Variants in VTI1A observed in about 807,000 individuals in gnomAD.
VTI1A encodes the protein vesicle transport through interaction with t-SNAREs homolog 1A.
In VTI1A, 22 loss-of-function variants were observed where a neutral mutation model predicts 34.9. That is an observed-to-expected ratio of 0.63 (90% CI 0.45 to 0.90). The LOEUF is 0.90. Ranked by LOEUF, VTI1A falls within the 40% of genes least tolerant of loss-of-function variation. The pLI, the probability that VTI1A is intolerant of heterozygous loss-of-function variation, is 0.00. For synonymous variants in VTI1A, 87 were observed against 97.3 expected (o/e 0.89, Z 0.62); for missense variants, 268 against 275.6 (o/e 0.97, Z 0.20).
intron 5 of VTI1A, among the ~76,000 whole-genome samples, chr10:112,573,998 T>TA (rs1249141481): frequency 6.6e-6 from 1 of 152,236 alleles, no homozygotes; most frequent in African/African-American, 2.4e-5. Flanking sequence ...TATCTGAATA[T>TA]AATTGTTCAT....
chr10:112,696,094 T>TTATATATATATATATATATA (rs140889088), intron 7 of VTI1A, among the ~76,000 whole-genome samples: 13 of 145,166 alleles, frequency 9.0e-5, no homozygotes, highest in South Asian at 4.5e-4. Context: ...GAGAGAATGA[T>TTATATATATATATATATATA]TATATATATA....
intron 5 of VTI1A, among the ~76,000 whole-genome samples, chr10:112,655,394 G>A (rs1219833984): frequency 1.3e-5 from 2 of 152,096 alleles, no homozygotes; most frequent in African/African-American, 4.8e-5. Context: ...GGGTAGCAGG[G>A]CTCCATGAAG....
rs1387760561 is a variant in VTI1A, at chr10:112,792,353, A to G, written c.561-22937A>G. Among the ~76,000 whole-genome samples the G allele has an allele frequency of 4.6e-5, 7 of 152,200 alleles. No individual in the cohort carries two copies. The East Asian group carries it at 7.8e-4, about 17-fold the overall frequency. On this transcript the variant is annotated intron_variant, in intron 7 of 7. Coordinates refer to ENST00000393077, the MANE Select transcript of VTI1A (RefSeq NM_145206.4). Reference sequence around the variant, plus strand: ...AGTCCCCCAGTCCTTACGTGTCCCAACGTCTCATGCTTTGCAGATCAGGAA... The same window carrying G: ...AGTCCCCCAGTCCTTACGTGTCCCAGCGTCTCATGCTTTGCAGATCAGGAA...
chr10:112,495,048 G>A (rs1223249169), intron 3 of VTI1A, among the ~76,000 whole-genome samples: 1 of 151,998 alleles, frequency 6.6e-6, no homozygotes, highest in Non-Finnish European at 1.5e-5. Context: ...GTATATGAAT[G>A]CAAAAACTGA....
At chr10:112,842,050 C>CTTTTTTTTTT in the VTI1A span, among the ~76,000 whole-genome samples, 66 of 93,138 alleles carry the variant, frequency 7.1e-4, 2 homozygotes, top group Non-Finnish European at 9.5e-4. Context: ...TTTTTTTTTT[C>CTTTTTTTTTT]CTTTTTTTTT....
chr10:112,736,606 G>C, intron 7 of VTI1A: 1 of 1,477,924 alleles, frequency 6.8e-7, no homozygotes, highest in South Asian at 1.4e-5. Flanking sequence ...CCTCTGATAA[G>C]AAACCAAAGC....
At chr10:112,599,021 C>G (rs1279226631) in intron 5 of VTI1A, among the ~76,000 whole-genome samples, 2 of 152,208 alleles carry the variant, frequency 1.3e-5, no homozygotes, top group Non-Finnish European at 2.9e-5. Context: ...ATCCTCCGTT[C>G]ACCATTTCTC....
rs937896433 is a variant in VTI1A, at chr10:112,737,360, G to A, written c.560+68362G>A. 370 of 1,026,208 alleles carry A rather than the reference G, an allele frequency of 3.6e-4. 3 individuals are homozygous for A. Among genetic ancestry groups the A allele is most frequent in the Non-Finnish European group, 8.8e-5 (75 of 854,902 alleles). The allele number at this position is 1,026,208 out of a possible 1,614,324, so 63.6% of individuals were successfully genotyped here. A position where few individuals can be genotyped will look rare whatever the true frequency, so the allele number is the denominator to read the frequency against. On this transcript the variant is annotated intron_variant, in intron 7 of 7. Coordinates refer to ENST00000393077, the MANE Select transcript of VTI1A (RefSeq NM_145206.4). ...ACCCTAACAATTATTTTTAAAAGGA[G>A]GAATTTAAATGAGCTGTGGATTATT... is the stretch of plus-strand genomic sequence containing the variant.
At chr10:112,659,463 A>T (rs1847364975) in intron 5 of VTI1A, among the ~76,000 whole-genome samples, 1 of 152,196 alleles carries the variant, frequency 6.6e-6, no homozygotes, top group African/African-American at 2.4e-5. Flanking sequence ...GAGCATCGTT[A>T]CTGGTAGCAC....
chr10:112,551,768 T>C (rs757860263), intron 5 of VTI1A, among the ~76,000 whole-genome samples: 1 of 152,114 alleles, frequency 6.6e-6, no homozygotes, highest in Non-Finnish European at 1.5e-5. Flanking sequence ...ATGGGCCTTA[T>C]GGAATACATA....
chr10:112,815,280 T>A lies in VTI1A; in HGVS notation c.561-10T>A. 2 of 1,612,506 alleles carry A rather than the reference T, an allele frequency of 1.2e-6. No homozygotes were observed. The highest frequency in any genetic ancestry group is 1.7e-6 in the Non-Finnish European group (2 of 1,178,922). The stretch of plus-strand genomic sequence containing the variant: ...TCTGTGTGTGTTTTTTCTCCTTTGC[T>A]GTCTCCTAGAATCATCCAGAACCGC... On this transcript the variant is annotated splice_polypyrimidine_tract_variant and intron_variant, in intron 7 of 7. Coordinates refer to ENST00000393077, the MANE Select transcript of VTI1A (RefSeq NM_145206.4).
At chr10:112,723,260 C>T (rs760184826) in intron 7 of VTI1A, among the ~76,000 whole-genome samples, 36 of 152,140 alleles carry the variant, frequency 2.4e-4, no homozygotes, top group Admixed American at 5.2e-4. Context: ...AAGCTAGGAA[C>T]CTATAGAAAA....
At chr10:112,709,824 G>A (rs981936876) in intron 7 of VTI1A, among the ~76,000 whole-genome samples, 1 of 149,340 alleles carries the variant, frequency 6.7e-6, no homozygotes, top group Non-Finnish European at 1.5e-5. Context: ...CCAGGTAGGT[G>A]GGACTATAGG....
chr10:112,702,080 A>G (rs1319567514), intron 7 of VTI1A, among the ~76,000 whole-genome samples: 2 of 152,156 alleles, frequency 1.3e-5, no homozygotes, highest in East Asian at 1.9e-4. Context: ...GCAGGAAGCA[A>G]AGGCCTCCTT....
chr10:112,464,422 G>C (rs1847830461), intron 2 of VTI1A, 125 bp from the exon 3 acceptor site: 1 of 754,812 alleles, frequency 1.3e-6, no homozygotes, highest in Non-Finnish European at 2.2e-6. Context: ...TGATCATTCA[G>C]CACCCTGAAC....
intron 5 of VTI1A, among the ~76,000 whole-genome samples, chr10:112,597,958 A>C (rs1432073785): frequency 6.6e-6 from 1 of 151,784 alleles, no homozygotes; most frequent in South Asian, 2.1e-4. Context: ...CTGCCTCCCA[A>C]AGTGCTGGGA....
At chr10:112,644,490 C>T (rs1341761815) in intron 5 of VTI1A, among the ~76,000 whole-genome samples, 1 of 152,070 alleles carries the variant, frequency 6.6e-6, no homozygotes, top group Admixed American at 6.5e-5. Context: ...GTGTAGATTG[C>T]TTTTAAGCTT....
At chr10:112,736,801 C>T (rs768310002) in intron 7 of VTI1A, 5 of 1,409,948 alleles carry the variant, frequency 3.5e-6, no homozygotes, top group Non-Finnish European at 3.9e-6. Context: ...GGAAATTACT[C>T]AAACACGTAT....
chr10:112,508,539 T>C (rs1184229893), intron 3 of VTI1A, among the ~76,000 whole-genome samples: 1 of 152,232 alleles, frequency 6.6e-6, no homozygotes, highest in Non-Finnish European at 1.5e-5. Flanking sequence ...TGTTAACTTA[T>C]GAAGCTGTGT....
Sources: allele counts gnomAD v4.1 joint callset (sites outside exome capture counted in the v4.1 genomes callset), GRCh38; gene constraint gnomAD v4.1.1; transcripts MANE v1.5; gene names NCBI Gene and HGNC (gene_info 2026-07-23, HGNC 2026-07-21).